Variants in SCUBE2 observed in about 807,000 individuals in gnomAD.
SCUBE2 encodes signal peptide, CUB and EGF-like domain-containing protein 2.
A neutral mutation model predicts 125.9 loss-of-function variants in SCUBE2; 114 were observed. The observed-to-expected ratio is 0.91, with a 90% CI of 0.78 to 1.06. SCUBE2 has a LOEUF of 1.06. SCUBE2 is among the 50% of genes least tolerant of loss of function. The pLI is 0.00. For synonymous variants in SCUBE2, 459 were observed against 492.9 expected (o/e 0.93, Z 0.91); for missense variants, 1,255 against 1,301.8 (o/e 0.96, Z 0.55).
rs1271112438 is a variant in SCUBE2 at position 9,089,693 on chromosome 11, C to T, written c.256+14G>A. 9 of 1,612,302 alleles carry T rather than the reference C, an allele frequency of 5.6e-6. No individual in the cohort carries two copies. The African/African-American group carries it at 8.0e-5, about 14-fold the overall frequency. On this transcript the variant is annotated intron_variant, in intron 2 of 22. Coordinates refer to ENST00000649792, the MANE Select transcript of SCUBE2 (RefSeq NM_001367977.2). ...TTCCCTACAGTCCCCCCACATGGTC[C>T]CCAAGGCACTTACCCTCACACTGCC...
intron 19 of SCUBE2, among the ~76,000 whole-genome samples, chr11:9,027,991 CAT>C (rs1855943015): frequency 3.3e-5 from 5 of 152,130 alleles, no homozygotes; most frequent in Admixed American, 1.3e-4. Context: ...TGAAGACAGA[CAT>C]ATATTTTTCA....
At chr11:9,075,243 G>C (rs1330975902) in intron 3 of SCUBE2, among the ~76,000 whole-genome samples, 2 of 150,550 alleles carry the variant, frequency 1.3e-5, no homozygotes, top group African/African-American at 4.9e-5. Flanking sequence ...CTCTCTAGGA[G>C]CATGCCCTTC....
chr11:9,085,694 C>A (rs1036865056), intron 2 of SCUBE2, among the ~76,000 whole-genome samples: 1 of 151,794 alleles, frequency 6.6e-6, no homozygotes, highest in Admixed American at 6.6e-5. Flanking sequence ...CCACTGCACT[C>A]CAGCCTGGGT....
chr11:9,025,506 A>G, intron 21 of SCUBE2, 196 bp downstream of exon 21: 1 of 556,780 alleles, frequency 1.8e-6, no homozygotes, highest in Non-Finnish European at 3.2e-6. Flanking sequence ...ATATTTTATA[A>G]AACATCTTTT....
At chr11:9,068,454 G>A (rs1860469056) in intron 5 of SCUBE2, among the ~76,000 whole-genome samples, 1 of 152,196 alleles carries the variant, frequency 6.6e-6, no homozygotes, top group African/African-American at 2.4e-5. Flanking sequence ...AGGACTGAGA[G>A]GAAAAATGAG....
At chr11:9,083,097 G>A (rs1453142183) in intron 2 of SCUBE2, among the ~76,000 whole-genome samples, 1 of 151,618 alleles carries the variant, frequency 6.6e-6, no homozygotes, top group Non-Finnish European at 1.5e-5. Context: ...TGACCCACAG[G>A]GCACGGGGAA....
rs1467506144 is a variant in SCUBE2, at chr11:9,025,751, A to T, written c.2805T>A (p.Asn935Lys). The change falls in exon 21 of 23, where the codon AAT becomes AAA. Residue 935 changes from asparagine (N) to lysine (K), a missense_variant. Asn to Lys is a moderately conservative substitution (Grantham distance 94, BLOSUM62 0). Around this residue, in one of 3 missense-constraint regions of SCUBE2, gnomAD observed 515 missense variants for 515.7 expected, o/e 1.00. Transcript: ENST00000649792. ...GGAACCCTCTAGCGCTGTTCCCTTC[A>T]TTGGACTTGAACTGAATCCACAGCT... ...SKKLWIQFKSNEGNSARGFQV... is the reference protein window; with the variant it reads ...SKKLWIQFKSKEGNSARGFQV... The T allele has an allele frequency of 6.2e-7, 1 of 1,614,132 alleles. No homozygotes were observed. The highest frequency in any genetic ancestry group is 1.3e-5 in the African/African-American group (1 of 75,014).
intron 13 of SCUBE2, 139 bp from the exon 14 acceptor site, chr11:9,050,849 G>C (rs1483967812): frequency 2.9e-6 from 2 of 699,192 alleles, no homozygotes; most frequent in Non-Finnish European, 2.5e-6. Context: ...CTGAGGCTAA[G>C]AGTGGCTTGG....
chr11:9,088,187 T>C (rs1194848964), intron 2 of SCUBE2, among the ~76,000 whole-genome samples: 1 of 152,252 alleles, frequency 6.6e-6, no homozygotes, highest in East Asian at 1.9e-4. Context: ...TAGACACTCA[T>C]TAAAAGTTTT....
intron 9 of SCUBE2, among the ~76,000 whole-genome samples, chr11:9,057,825 C>A (rs1200285837): frequency 6.6e-6 from 1 of 152,140 alleles, no homozygotes; most frequent in Non-Finnish European, 1.5e-5. Flanking sequence ...AGCCACCACA[C>A]CCAGCCTAAT....
chr11:9,091,471 GCA>G lies in SCUBE2; in HGVS notation c.56_57del (p.Leu19ProfsTer29). The G allele has an allele frequency of 8.6e-6, 11 of 1,272,668 alleles. No individual in the cohort carries two copies. The highest frequency in any genetic ancestry group is 1.1e-5 in the Non-Finnish European group (11 of 986,578). The allele number at this position is 1,272,668 out of a possible 1,614,324, so 78.8% of individuals were successfully genotyped here. A position where few individuals can be genotyped will look rare whatever the true frequency, so the allele number is the denominator to read the frequency against. ...AGCAGCAGCAGTGGCGGCAGCAGCA[GCA>G]GCAGCAGCAGCACCGCCCAGGCCGC... ...PGAAWAVLLL[L>X]LLLPPLLLLA... On this transcript the variant is annotated frameshift_variant, in exon 1 of 23. Transcript: ENST00000649792. LOFTEE classifies it high-confidence loss of function. This position sits in a 1 kb window ranked among gnomAD's most constrained non-coding sequence, Gnocchi z 8.5.
At chr11:9,031,192 A>G (rs1441872060) in intron 17 of SCUBE2, 1 of 327,042 alleles carries the variant, frequency 3.1e-6, no homozygotes, top group Non-Finnish European at 5.6e-6. Context: ...AAAGTATGGG[A>G]AGGCCTGGGT....
chr11:9,031,220 C>T (rs1455472890), intron 17 of SCUBE2: 1 of 250,184 alleles, frequency 4.0e-6, no homozygotes, highest in Non-Finnish European at 7.7e-6. Flanking sequence ...AGGCTTAGGC[C>T]TACACACTGC....
chr11:9,052,440 C>T (rs1226034323), intron 13 of SCUBE2, among the ~76,000 whole-genome samples: 2 of 152,244 alleles, frequency 1.3e-5, no homozygotes, highest in Non-Finnish European at 2.9e-5. Context: ...ATTCCCTGGG[C>T]CTTTGAGGTG....
chr11:9,079,170 C>T (rs897064905), intron 3 of SCUBE2, among the ~76,000 whole-genome samples: 2 of 152,162 alleles, frequency 1.3e-5, no homozygotes, highest in Non-Finnish European at 2.9e-5. Context: ...GACGATGTCA[C>T]CCATCTCCTT....
At chr11:9,027,660 G>T in intron 19 of SCUBE2, 99 bp from the exon 20 acceptor site, 1 of 992,300 alleles carries the variant, frequency 1.0e-6, no homozygotes, top group Non-Finnish European at 1.5e-6. Flanking sequence ...TTGCCACCCA[G>T]GAATGGGGCA....
At chr11:9,059,673 G>A (rs1201258476) in intron 8 of SCUBE2, 1 of 487,176 alleles carries the variant, frequency 2.1e-6, no homozygotes, top group East Asian at 3.3e-5. Context: ...TTGGCATTAA[G>A]GAAACAAACT....
rs72547298 is a variant in SCUBE2, at chr11:9,060,521, G to A, written c.854C>T (p.Thr285Met). The A allele has an allele frequency of 0.01, 16,920 of 1,612,898 alleles. 115 individuals are homozygous for A. The highest frequency in any genetic ancestry group is 0.013 in the Non-Finnish European group (15,366 of 1,179,274). ...ACAGCCTCCATTGTTGACAGCACAC[G>A]TTTCTGGCAAGGAGGTAAGAAAAGA... ...KRVKRRLLME[T>M]CAVNNGGCDR... is the part of the protein sequence containing the mutation. The change falls in exon 8 of 23, where the codon ACG becomes ATG. Residue 285 changes from threonine to methionine, a missense_variant. Transcript: ENST00000649792.
In SCUBE2 at chr11:9,091,415, A is replaced by G; in HGVS notation, c.114T>C (p.Arg38=). 7.6e-7 allele frequency: 1 copy of G among 1,314,616 alleles called. No homozygotes were observed. The highest frequency in any genetic ancestry group is 9.6e-7 in the Non-Finnish European group (1 of 1,036,692). The allele number at this position is 1,314,616 out of a possible 1,614,324, so 81.4% of individuals were successfully genotyped here. A position where few individuals can be genotyped will look rare whatever the true frequency, so the allele number is the denominator to read the frequency against. Residue 38 remains arginine (R), a synonymous_variant, in exon 1 of 23, where the codon CGT becomes CGC. Coordinates refer to ENST00000649792, the MANE Select transcript of SCUBE2 (RefSeq NM_001367977.2). The surrounding 1 kb of genome is among the most constrained non-coding windows in gnomAD (Gnocchi z 8.5). ...ACTCACCCTCCTGCGGCCCCGCGGC[A>G]CGGCCCCGACCCGGCGGGACGGCCC... The part of the protein sequence containing the change: ...LAGAVPPGRG[R]AAGPQEDVDE...
Sources: gnomAD v4.1 joint callset for allele counts (sites outside exome capture counted in the v4.1 genomes callset) on GRCh38, gnomAD v4.1.1 for gene constraint, gnomAD v4.1.1 regional missense constraint, Gnocchi (gnomAD v3.1) non-coding constraint, MANE v1.5 for transcripts, NCBI Gene and HGNC (gene_info 2026-07-23, HGNC 2026-07-21) for gene names.